RERE: variants seen among roughly 807,000 people sequenced by gnomAD.
RERE encodes arginine-glutamic acid dipeptide repeats protein.
RERE carries 40 observed loss-of-function variants against 146.1 expected under a neutral mutation model. The ratio of observed to expected loss-of-function variants is 0.27; its 90% CI spans 0.21 to 0.36. The LOEUF (loss-of-function observed/expected upper bound fraction) is 0.36. RERE is among the 10% of genes least tolerant of loss of function. The probability of loss-of-function intolerance (pLI) is 1.00; values close to 1 mark genes in which losing one functional copy is unlikely to be tolerated. For missense variants in RERE, 1,933 were observed against 2,138.7 expected (o/e 0.90, Z 1.90); for synonymous variants, 1,003 against 866.0 (o/e 1.16, Z -2.78).
At chr1:8,363,481 G>A (rs547247836) in intron 15 of RERE, among the ~76,000 whole-genome samples, 3 of 152,160 alleles carry the variant, frequency 2.0e-5, no homozygotes, top group Non-Finnish European at 2.9e-5. Flanking sequence ...GAAAGTGGAT[G>A]GTCCCACCCA....
intron 12 of RERE, 36 bp downstream of exon 12, chr1:8,422,691 A>T: frequency 6.7e-7 from 1 of 1,492,978 alleles, no homozygotes; most frequent in Non-Finnish European, 9.3e-7. Context: ...AGCAAAGAGG[A>T]AAAAATCAAG....
rs771101622 is a variant in RERE at position 8,360,116 on chromosome 1, C to G, written c.3391G>C (p.Ala1131Pro). The G allele has an allele frequency of 3.2e-6, 5 of 1,579,986 alleles. No homozygotes were observed. In the Admixed American group the frequency reaches 8.7e-5, roughly 27 times the overall value. Residue 1131 changes from alanine (A) to proline (P), a missense_variant, in exon 18 of 23, where the codon GCT (alanine) becomes CCT (proline). Transcript: ENST00000400908. ...CTGGAGCCCTAGGAAGCGTACCTAG[C>G]TGACTGGCTGGCGTGACTGGGGGTG... is the stretch of plus-strand genomic sequence containing the variant. ...VDTPSHASQS[A>P]RFYKHLDRGY...
At chr1:8,516,143 C>A (rs1645411573) in intron 7 of RERE, among the ~76,000 whole-genome samples, 1 of 143,412 alleles carries the variant, frequency 7.0e-6, no homozygotes, top group Non-Finnish European at 1.5e-5. Flanking sequence ...AAAAATTGCT[C>A]AAACCCAGGA....
chr1:8,357,809 C>A (rs1641355395), intron 20 of RERE, among the ~76,000 whole-genome samples: 1 of 152,258 alleles, frequency 6.6e-6, no homozygotes. Flanking sequence ...GCTTTTCATT[C>A]TCCCTCAGCC....
intron 8 of RERE, among the ~76,000 whole-genome samples, chr1:8,502,822 T>C (rs1645193158): frequency 6.7e-6 from 1 of 148,256 alleles, no homozygotes; most frequent in Non-Finnish European, 1.5e-5. Flanking sequence ...ATGTGCTGTG[T>C]CCACTCAGGG....
chr1:8,602,115 G>A (rs1646638785), intron 4 of RERE, among the ~76,000 whole-genome samples: 1 of 152,188 alleles, frequency 6.6e-6, no homozygotes, highest in Non-Finnish European at 1.5e-5. Flanking sequence ...AGCAGTCTGG[G>A]TGCGGTGGCT....
chr1:8,709,303 T>G (rs1038839038), intron 1 of RERE, among the ~76,000 whole-genome samples: 3 of 152,042 alleles, frequency 2.0e-5, no homozygotes, highest in Non-Finnish European at 2.9e-5. Flanking sequence ...TTTCTTATAT[T>G]GAGACAGGGT....
Position 8,647,907 on chromosome 1 carries a change from T to C in RERE, c.325+8066A>G, listed in dbSNP as rs181366308. Among the ~76,000 whole-genome samples, 4 of 152,334 alleles carry C rather than the reference T, an allele frequency of 2.6e-5. No individual in the cohort carries two copies. The East Asian group carries it at 7.7e-4, about 29-fold the overall frequency. ...CACTTTAAACAGTAACTTGATTGAA[T>C]GGAAATTTTCCATTTAGAAAATAGT... On this transcript the variant is annotated intron_variant, in intron 2 of 22. Coordinates refer to ENST00000400908, the MANE Select transcript of RERE (RefSeq NM_001042681.2).
intron 1 of RERE, among the ~76,000 whole-genome samples, chr1:8,775,502 T>G (rs1205937345): frequency 1.3e-5 from 2 of 152,156 alleles, no homozygotes; most frequent in Non-Finnish European, 1.5e-5. Flanking sequence ...GAGGATCTCT[T>G]GGGCCCAGAA....
intron 11 of RERE, among the ~76,000 whole-genome samples, chr1:8,463,840 T>C (rs1644559450): frequency 6.6e-6 from 1 of 152,186 alleles, no homozygotes; most frequent in Non-Finnish European, 1.5e-5. Flanking sequence ...GATTGCAAGC[T>C]GACAAGGCCC....
intron 1 of RERE, among the ~76,000 whole-genome samples, chr1:8,671,991 C>T (rs937618724): frequency 6.6e-6 from 1 of 152,016 alleles, no homozygotes; most frequent in South Asian, 2.1e-4. Context: ...ACATCTCAGC[C>T]GGGCGTGGTG....
At chr1:8,490,155 G>A (rs1644961196) in intron 10 of RERE, among the ~76,000 whole-genome samples, 1 of 151,736 alleles carries the variant, frequency 6.6e-6, no homozygotes, top group South Asian at 2.1e-4. Flanking sequence ...GAGGTCAAGA[G>A]GTCAAGACCA....
In RERE at chr1:8,360,909, T is replaced by A. The variant is rs751088456; in HGVS notation, c.2598A>T (p.Pro866=). 1.6e-4 allele frequency: 237 copies of A among 1,489,962 alleles called. No homozygotes were observed. Among genetic ancestry groups the A allele is most frequent in the Non-Finnish European group, 2.0e-4 (223 of 1,126,944 alleles). The allele number at this position is 1,489,962 out of a possible 1,614,324, so 92.3% of individuals were successfully genotyped here. A position where few individuals can be genotyped will look rare whatever the true frequency, so the allele number is the denominator to read the frequency against. Residue 866 remains proline, a synonymous_variant, in exon 18 of 23, where the codon CCA becomes CCT. Coordinates refer to ENST00000400908, the MANE Select transcript of RERE (RefSeq NM_001042681.2). ...SLQAGPLLQH[P]GPPQPFGLPP... The stretch of plus-strand genomic sequence containing the variant: ...GGAGGCCAAAGGGCTGTGGGGGGCC[T>A]GGGTGCTGCAGCAGGGGCCCAGCCT...
At chr1:8,773,621 C>T (rs367905721) in intron 1 of RERE, among the ~76,000 whole-genome samples, 15 of 152,246 alleles carry the variant, frequency 9.9e-5, no homozygotes, top group South Asian at 2.1e-4. Context: ...GTGAGGAGTT[C>T]GAGACCAGCC....
At chr1:8,481,634 A>G (rs868628322) in intron 10 of RERE, among the ~76,000 whole-genome samples, 15 of 152,214 alleles carry the variant, frequency 9.9e-5, no homozygotes, top group African/African-American at 3.1e-4. Flanking sequence ...TCAAACCACA[A>G]ATACATTTCA....
At chr1:8,498,299 A>G (rs2124247082) in intron 8 of RERE, among the ~76,000 whole-genome samples, 1 of 152,344 alleles carries the variant, frequency 6.6e-6, no homozygotes, top group Middle Eastern at 3.4e-3. Flanking sequence ...CAGAGGTTGC[A>G]GTGAGCTGAG....
rs568225426 is a variant in RERE, at chr1:8,479,005, T to G, written c.1105-12982A>C. On this transcript the variant is annotated intron_variant, in intron 10 of 22. Coordinates refer to ENST00000400908, the MANE Select transcript of RERE (RefSeq NM_001042681.2). The stretch of plus-strand genomic sequence containing the variant: ...AGCCAAATACTCCCTATTTTATAAA[T>G]CAAATGTCCTCACATTACAGAAATA... Among the ~76,000 whole-genome samples the G allele has an allele frequency of 1.0e-3, 153 of 152,326 alleles. 1 individual carries two copies. Among genetic ancestry groups the G allele is most frequent in the Non-Finnish European group, 1.5e-3 (104 of 68,020 alleles).
In RERE at chr1:8,602,405, G is replaced by A. The variant is rs368469598; in HGVS notation, c.522+12156C>T. Reference sequence around the variant, plus strand: ...GACTCCATCTCAAAAAAAAAAAAAGGAAAAGAAAACATAATAAAACAGCCT... The same window carrying A: ...GACTCCATCTCAAAAAAAAAAAAAGAAAAAGAAAACATAATAAAACAGCCT... On this transcript the variant is annotated intron_variant, in intron 4 of 22. Coordinates refer to ENST00000400908, the MANE Select transcript of RERE (RefSeq NM_001042681.2). Among the ~76,000 whole-genome samples, 8 of 146,026 alleles carry A rather than the reference G, an allele frequency of 5.5e-5. No homozygotes were observed. The East Asian group carries it at 1.6e-3, about 29-fold the overall frequency.
chr1:8,813,725 G>A (rs528762252), intron 1 of RERE, among the ~76,000 whole-genome samples: 5 of 148,746 alleles, frequency 3.4e-5, no homozygotes, highest in African/African-American at 7.4e-5. Context: ...AGCAATTATC[G>A]TGCCTCAGCC....
Sources: allele counts gnomAD v4.1 joint callset (sites outside exome capture counted in the v4.1 genomes callset), GRCh38; gene constraint gnomAD v4.1.1; transcripts MANE v1.5; gene names NCBI Gene and HGNC (gene_info 2026-07-23, HGNC 2026-07-21).